The following TMLHE variants were observed in gnomAD, a reference collection of about 807,000 sequenced individuals.
TMLHE encodes trimethyllysine hydroxylase, epsilon, also known as trimethyllysine dioxygenase, mitochondrial.
Under a neutral mutation model 25.7 loss-of-function variants are expected in TMLHE, and 18 were observed. The observed-to-expected ratio is 0.70, with a 90% CI of 0.48 to 1.04. The LOEUF (loss-of-function observed/expected upper bound fraction) is 1.04, where lower values mean the gene tolerates loss of function less well. TMLHE is among the 50% of genes least tolerant of loss of function. The pLI, the probability that TMLHE is intolerant of heterozygous loss-of-function variation, is 0.00. For missense variants in TMLHE, 236 were observed against 259.0 expected (o/e 0.91, Z 0.61); for synonymous variants, 105 against 97.0 (o/e 1.08, Z -0.49).
At position 155,545,111 on chromosome X, in the gene TMLHE, G is replaced by A; in HGVS notation, c.166C>T (p.His56Tyr). 4.1e-6 allele frequency: 5 copies of A among 1,208,207 alleles called. No homozygotes were observed. Among genetic ancestry groups the A allele is most frequent in the Non-Finnish European group, 5.6e-6 (5 of 893,843 alleles). The part of the protein sequence containing the change: ...SKSLTCAWQQ[H>Y]EDHFELKYAN... ...CATCTCTTACCAAAATGATCTTCAT[G>A]TTGCTGCCAAGCACAAGTCAGAGAC... The change falls in exon 2 of 8, where the codon CAT becomes TAT. Residue 56 changes from histidine to tyrosine, a missense_variant. This residue lies in a region of TMLHE where 217 missense variants were observed against 214.6 expected (regional missense o/e 1.01). Transcript: ENST00000334398.
In TMLHE at chrX:155,569,902, C is replaced by T. The variant is rs868931929; in HGVS notation, c.-1-24625G>A. On this transcript the variant is annotated intron_variant, in intron 1 of 7. Transcript: ENST00000334398. ...AATCATGCCAAATTGTAAATACCAT[C>T]GAGGCTAGGAAGAAACTGCATCAAC... Among the ~76,000 whole-genome samples the T allele has an allele frequency of 7.1e-5, 4 of 56,736 alleles. 1 individual carries two copies. Among genetic ancestry groups the T allele is most frequent in the East Asian group, 1.4e-3 (2 of 1,386 alleles). 49.3% of individuals were successfully genotyped at this position (56,736 alleles called of 115,157 possible). A position where few individuals can be genotyped will look rare whatever the true frequency, so the allele number is the denominator to read the frequency against.
intron 5 of TMLHE, among the ~76,000 whole-genome samples, 165 bp downstream of exon 5, chrX:155,511,508 G>A (rs1204037027): frequency 9.1e-6 from 1 of 110,004 alleles, no homozygotes; most frequent in African/African-American, 3.3e-5. Context: ...TCTAAAAACT[G>A]AGTTAAGGTA....
At chrX:155,527,746 A>G (rs1420431089) in intron 2 of TMLHE, among the ~76,000 whole-genome samples, 1 of 112,262 alleles carries the variant, frequency 8.9e-6, no homozygotes, top group Non-Finnish European at 1.9e-5. Flanking sequence ...TTAAAACTGT[A>G]AAACATTAAA....
intron 1 of TMLHE, among the ~76,000 whole-genome samples, chrX:155,591,885 A>G (rs921748189): frequency 2.7e-5 from 3 of 112,306 alleles, no homozygotes; most frequent in Non-Finnish European, 5.6e-5. Flanking sequence ...TTGAAGAGAC[A>G]TCTGCACCCC....
rs782740932 is a variant in TMLHE at position 155,550,093 on chromosome X, T to C, written c.-1-4816A>G. ...GCTGCATAGTATTCCGTGGCGTATA[T>C]GTGCCACATTTTCTTTATCCAGTCT... On this transcript the variant is annotated intron_variant, in intron 1 of 7. Coordinates refer to ENST00000334398, the MANE Select transcript of TMLHE (RefSeq NM_018196.4). 3.6e-5 allele frequency among the ~76,000 whole-genome samples: 4 copies of C among 110,986 alleles called. No homozygotes were observed. In the South Asian group the frequency reaches 1.5e-3, roughly 42 times the overall value.
chrX:155,541,876 A>G (rs1385734228), intron 2 of TMLHE, among the ~76,000 whole-genome samples: 5 of 107,307 alleles, frequency 4.7e-5, no homozygotes, highest in African/African-American at 1.4e-4. Context: ...TCCTTTGCCC[A>G]CTTTTTGATG....
chrX:155,598,380 T>G (rs2067735594), intron 1 of TMLHE, among the ~76,000 whole-genome samples: 2 of 109,034 alleles, frequency 1.8e-5, no homozygotes, highest in Non-Finnish European at 1.9e-5. Context: ...CCATAAAAAA[T>G]GATGAGTTCA....
intron 3 of TMLHE, among the ~76,000 whole-genome samples, chrX:155,514,748 G>C (rs1286356326): frequency 9.0e-6 from 1 of 111,275 alleles, no homozygotes; most frequent in Non-Finnish European, 1.9e-5. Context: ...GGTGGAACTA[G>C]AACCCCACCT....
At chrX:155,545,419 A>G (rs1202580058) in intron 1 of TMLHE, 142 bp from the exon 2 acceptor site, 1 of 472,545 alleles carries the variant, frequency 2.1e-6, no homozygotes, top group Non-Finnish European at 3.2e-6. Flanking sequence ...AGAAATTGTG[A>G]AAAGTTAAGC....
chrX:155,560,035 A>C (rs2067484198), intron 1 of TMLHE, among the ~76,000 whole-genome samples: 1 of 112,452 alleles, frequency 8.9e-6, no homozygotes, highest in Middle Eastern at 4.2e-3. Flanking sequence ...CACTTAAAAC[A>C]TGTATGACAA....
At chrX:155,585,521 C>T (rs1009899176) in intron 1 of TMLHE, among the ~76,000 whole-genome samples, 7 of 109,985 alleles carry the variant, frequency 6.4e-5, no homozygotes, top group Non-Finnish European at 1.3e-4. Context: ...GTTTGGAGTA[C>T]ATATATGCAC....
At position 155,507,783 on chromosome X, in the gene TMLHE, T is replaced by C. The variant is rs782763473; in HGVS notation, c.759-649A>G. Among the ~76,000 whole-genome samples the C allele has an allele frequency of 2.7e-5, 3 of 111,113 alleles. No homozygotes were observed. In the East Asian group the frequency reaches 8.5e-4, roughly 31 times the overall value. ...CTGTGAAACTCTACGGCCATATCAA[T>C]ATTTTAAAGAGTCCATTATGTTGAT... On this transcript the variant is annotated intron_variant, in intron 5 of 7. Coordinates refer to ENST00000334398, the MANE Select transcript of TMLHE (RefSeq NM_018196.4).
At chrX:155,540,666 G>A (rs1197795898) in intron 2 of TMLHE, among the ~76,000 whole-genome samples, 1 of 111,378 alleles carries the variant, frequency 9.0e-6, no homozygotes, top group Non-Finnish European at 1.9e-5. Flanking sequence ...TTTAAATATG[G>A]TATAAATTTT....
intron 1 of TMLHE, among the ~76,000 whole-genome samples, chrX:155,548,276 A>G (rs2067369203): frequency 1.8e-5 from 2 of 111,869 alleles, no homozygotes; most frequent in Non-Finnish European, 3.8e-5. Context: ...GCTACTGTAC[A>G]TCAAAGGATA....
Position 155,572,681 on chromosome X carries a change from G to A in TMLHE, c.-1-27404C>T, listed in dbSNP as rs782340763. Among the ~76,000 whole-genome samples the A allele has an allele frequency of 4.1e-4, 23 of 55,837 alleles. 8 individuals are homozygous for A. Among genetic ancestry groups the A allele is most frequent in the Non-Finnish European group, 9.7e-4 (21 of 21,658 alleles). 48.5% of individuals were successfully genotyped at this position (55,837 alleles called of 115,157 possible). On this transcript the variant is annotated intron_variant, in intron 1 of 7. Coordinates refer to ENST00000334398, the MANE Select transcript of TMLHE (RefSeq NM_018196.4). ...GAACACAGCCCTCAGAAATAACGCC[G>A]CATATCTATAACTATCTGATCTTTG...
chrX:155,609,480 C>T (rs1351946615), intron 1 of TMLHE, among the ~76,000 whole-genome samples: 3 of 111,333 alleles, frequency 2.7e-5, no homozygotes, highest in Non-Finnish European at 5.7e-5. Context: ...TACGCCACAC[C>T]CCTGTGACAC....
intron 1 of TMLHE, among the ~76,000 whole-genome samples, chrX:155,590,865 T>TTACATTTACATTTA (rs2067689983): frequency 9.0e-6 from 1 of 111,036 alleles, no homozygotes; most frequent in Admixed American, 9.6e-5. Context: ...ATGTAAACAG[T>TTACATTTACATTTA]TACATTAAGT....
At chrX:155,594,732 G>A (rs1274603469) in intron 1 of TMLHE, among the ~76,000 whole-genome samples, 4 of 111,878 alleles carry the variant, frequency 3.6e-5, no homozygotes, top group Admixed American at 1.9e-4. Context: ...CAAAATGTGT[G>A]TGTTCAGGGG....
At chrX:155,548,547 AACAT>A (rs1557339362) in intron 1 of TMLHE, among the ~76,000 whole-genome samples, 3 of 107,423 alleles carry the variant, frequency 2.8e-5, no homozygotes, top group Non-Finnish European at 5.8e-5. Context: ...CAGCCTGACT[AACAT>A]GGTGAAACCC....
Sources: gnomAD v4.1 joint callset for allele counts (sites outside exome capture counted in the v4.1 genomes callset) on GRCh38, gnomAD v4.1.1 for gene constraint, gnomAD v4.1.1 regional missense constraint, MANE v1.5 for transcripts, NCBI Gene and HGNC (gene_info 2026-07-23, HGNC 2026-07-21) for gene names.